The following SCN2A variants were observed in gnomAD, a reference collection of about 807,000 sequenced individuals.
The protein encoded by SCN2A is sodium voltage-gated channel alpha subunit 2, also known as sodium channel protein type 2 subunit alpha.
A neutral mutation model predicts 188.7 loss-of-function variants in SCN2A; 20 were observed. The observed-to-expected ratio is 0.11, with a 90% CI of 0.07 to 0.15. SCN2A has a LOEUF of 0.15. Among genes scored for constraint, SCN2A ranks in the 10% least tolerant of loss-of-function variants. SCN2A has a pLI of 1.00. For missense variants in SCN2A, 1,278 were observed against 2,445.0 expected, an observed-to-expected ratio of 0.52 and a Z score of 10.07; for synonymous variants, 804 against 833.1, an observed-to-expected ratio of 0.97 and a Z score of 0.60.
chr2:165,264,715 C>A (rs1452550089), intron 1 of SCN2A, among the ~76,000 whole-genome samples: 1 of 152,000 alleles, frequency 6.6e-6, no homozygotes, highest in Non-Finnish European at 1.5e-5. Context: ...GCAAACATGT[C>A]ATATTTGGTT....
intron 1 of SCN2A, among the ~76,000 whole-genome samples, chr2:165,292,910 C>T (rs1696295813): frequency 6.6e-6 from 1 of 152,196 alleles, no homozygotes; most frequent in African/African-American, 2.4e-5. Context: ...GTGACTGGCA[C>T]TTAGTAAGTC....
chr2:165,322,586 G>T (rs1698131895), intron 11 of SCN2A, among the ~76,000 whole-genome samples: 1 of 152,142 alleles, frequency 6.6e-6, no homozygotes, highest in African/African-American at 2.4e-5. Flanking sequence ...ATTTATTCAT[G>T]AAGACCATCA....
rs906256755 is a variant in SCN2A, at chr2:165,254,914, GAT to G, written c.-52+15277_-52+15278del. On this transcript the variant is annotated intron_variant, in intron 1 of 26. Transcript: ENST00000375437. Reference sequence around the variant, plus strand: ...TATCCATTTAAGTTATTTGTGTTGAGATATGTTTTCTCTCTAATAACATTGGA... The same window carrying G: ...TATCCATTTAAGTTATTTGTGTTGAGATGTTTTCTCTCTAATAACATTGGA... Among the ~76,000 whole-genome samples the G allele has an allele frequency of 7.2e-5, 11 of 151,820 alleles. No homozygotes were observed. The South Asian group carries it at 2.3e-3, about 32-fold the overall frequency.
intron 1 of SCN2A, among the ~76,000 whole-genome samples, chr2:165,241,952 AC>A (rs1693641328): frequency 6.6e-6 from 1 of 152,148 alleles, no homozygotes; most frequent in Admixed American, 6.5e-5. Flanking sequence ...AAAATGGAGA[AC>A]TATAGGCATC....
intron 1 of SCN2A, among the ~76,000 whole-genome samples, chr2:165,280,349 T>C (rs1048784557): frequency 6.6e-6 from 1 of 152,080 alleles, no homozygotes; most frequent in African/African-American, 2.4e-5. Context: ...AAGAAAAAAC[T>C]CTTGTTCTCA....
chr2:165,388,210 A>G (rs1363040012), intron 26 of SCN2A, among the ~76,000 whole-genome samples: 1 of 152,134 alleles, frequency 6.6e-6, no homozygotes, highest in African/African-American at 2.4e-5. Flanking sequence ...CCTACTCCCA[A>G]ATAACATAGA....
At chr2:165,326,816 A>G (rs775147148) in intron 12 of SCN2A, 36 bp from the exon 13 acceptor site, 1 of 1,613,098 alleles carries the variant, frequency 6.2e-7, no homozygotes. Context: ...CTGCTTTCAA[A>G]AATAGTGGTT....
chr2:165,264,391 A>G (rs1170615814), intron 1 of SCN2A, among the ~76,000 whole-genome samples: 1 of 152,146 alleles, frequency 6.6e-6, no homozygotes, highest in Non-Finnish European at 1.5e-5. Flanking sequence ...CATTTGACAA[A>G]ATCCAACATC....
intron 1 of SCN2A, among the ~76,000 whole-genome samples, chr2:165,260,574 A>G (rs1694543341): frequency 6.6e-6 from 1 of 152,134 alleles, no homozygotes; most frequent in South Asian, 2.1e-4. Context: ...ACTGGCTTCA[A>G]CTGAAAGTCA....
intron 25 of SCN2A, among the ~76,000 whole-genome samples, chr2:165,385,318 A>G (rs10930162): frequency 0.26 from 39,107 of 151,952 alleles, 5,430 homozygotes; most frequent in South Asian, 0.32. Flanking sequence ...TTAAGTCAAG[A>G]CCAGATCCCT....
In SCN2A at chr2:165,288,947, A is replaced by G. The variant is rs971593806; in HGVS notation, c.-51-6826A>G. Among the ~76,000 whole-genome samples the G allele has an allele frequency of 2.0e-5, 3 of 152,140 alleles. No individual in the cohort carries two copies. In the South Asian group the frequency reaches 6.2e-4, roughly 31 times the overall value. On this transcript the variant is annotated intron_variant, in intron 1 of 26. Transcript: ENST00000375437. Reference sequence around the variant, plus strand: ...TTACTGTAATGTACCAAAGAACCCAAAAAACTACAATTGTAGAACAGAACT... The same window carrying G: ...TTACTGTAATGTACCAAAGAACCCAGAAAACTACAATTGTAGAACAGAACT...
At chr2:165,321,551 A>C (rs1329962728) in intron 11 of SCN2A, among the ~76,000 whole-genome samples, 1 of 152,244 alleles carries the variant, frequency 6.6e-6, no homozygotes, top group Non-Finnish European at 1.5e-5. Context: ...TTACAGTTCC[A>C]TGTGGCTGGG....
intron 8 of SCN2A, among the ~76,000 whole-genome samples, chr2:165,313,108 T>C (rs1838847): frequency 0.81 from 122,649 of 151,972 alleles, 49,689 homozygotes; most frequent in Non-Finnish European, 0.84. Flanking sequence ...TTGCCCAAGA[T>C]CGTTCAGCTC....
Position 165,389,963 on chromosome 2 carries a change from A to G in SCN2A, c.*139A>G, listed in dbSNP as rs747797761. 7.2e-7 allele frequency: 1 copy of G among 1,381,632 alleles called. No individual in the cohort carries two copies. The highest frequency in any genetic ancestry group is 2.5e-5 in the East Asian group (1 of 40,054). The allele number at this position is 1,381,632 out of a possible 1,614,324, so 85.6% of individuals were successfully genotyped here. A position where few individuals can be genotyped will look rare whatever the true frequency, so the allele number is the denominator to read the frequency against. ...AAATGTATACTTAAGGTCAGTGCCT[A>G]TAACAAGACAGAGACCTCTGGTCAG... On this transcript the variant is annotated 3_prime_UTR_variant, in exon 27 of 27. Transcript: ENST00000375437. The surrounding 1 kb of genome is among the most constrained non-coding windows in gnomAD (Gnocchi z 4.2).
At chr2:165,275,255 C>A (rs1452855169) in intron 1 of SCN2A, among the ~76,000 whole-genome samples, 1 of 152,232 alleles carries the variant, frequency 6.6e-6, no homozygotes, top group East Asian at 1.9e-4. Context: ...AGATTCTCCA[C>A]TTTCCTTCAG....
chr2:165,292,493 T>C (rs1438197339), intron 1 of SCN2A, among the ~76,000 whole-genome samples: 3 of 152,016 alleles, frequency 2.0e-5, no homozygotes, highest in Non-Finnish European at 4.4e-5. Context: ...CTATACCCAC[T>C]TATAGTCCAC....
chr2:165,332,787 A>C (rs1158928525), intron 14 of SCN2A, among the ~76,000 whole-genome samples: 3 of 152,012 alleles, frequency 2.0e-5, no homozygotes, highest in East Asian at 1.9e-4. Context: ...TTAAGCAAAA[A>C]TAAAGGGAAT....
chr2:165,351,328 GA>G (rs1264509040), intron 16 of SCN2A, among the ~76,000 whole-genome samples: 1 of 152,090 alleles, frequency 6.6e-6, no homozygotes, highest in East Asian at 1.9e-4. Flanking sequence ...TTATGAGAAA[GA>G]AAAGTCATAT....
In SCN2A at chr2:165,281,240, G is replaced by A. The variant is rs1392889421; in HGVS notation, c.-51-14533G>A. Among the ~76,000 whole-genome samples the A allele has an allele frequency of 7.9e-5, 12 of 152,022 alleles. No homozygotes were observed. The South Asian group carries it at 2.5e-3, about 32-fold the overall frequency. ...TAAAAAAATAGATATTTTATTAGGGGAAGTTGAAGTTATAGAGGGAAATAA... is the reference window on the plus strand; with the variant it reads ...TAAAAAAATAGATATTTTATTAGGGAAAGTTGAAGTTATAGAGGGAAATAA... On this transcript the variant is annotated intron_variant, in intron 1 of 26. Coordinates refer to ENST00000375437, the MANE Select transcript of SCN2A (RefSeq NM_001040142.2).
Sources: allele counts gnomAD v4.1 joint callset (sites outside exome capture counted in the v4.1 genomes callset), GRCh38; gene constraint gnomAD v4.1.1; non-coding constraint Gnocchi (gnomAD v3.1); transcripts MANE v1.5; gene names NCBI Gene and HGNC (gene_info 2026-07-23, HGNC 2026-07-21).